TAF2: variants seen among roughly 807,000 people sequenced by gnomAD.
The protein encoded by TAF2 is transcription initiation factor TFIID subunit 2.
A neutral mutation model predicts 138.5 loss-of-function variants in TAF2; 61 were observed. The ratio of observed to expected loss-of-function variants is 0.44; its 90% CI spans 0.36 to 0.54. The LOEUF is 0.54. Ranked by LOEUF, TAF2 falls within the 20% of genes least tolerant of loss-of-function variation. TAF2 has a pLI of 0.00. For synonymous variants in TAF2, 475 were observed against 469.9 expected, an observed-to-expected ratio of 1.01 and a Z score of -0.14; for missense variants, 1,090 against 1,427.9, an observed-to-expected ratio of 0.76 and a Z score of 3.81.
chr8:119,805,523 T>A (rs1405120715), intron 4 of TAF2, among the ~76,000 whole-genome samples: 1 of 151,904 alleles, frequency 6.6e-6, no homozygotes, highest in African/African-American at 2.4e-5. Flanking sequence ...CTGGCCAACA[T>A]GATGAAACCC....
In TAF2 at chr8:119,821,524, G is replaced by C. The variant is rs149131486; in HGVS notation, c.139-2018C>G. Reference sequence around the variant, plus strand: ...AAATAGGCATTCTCCTAGTTTCCACGACTACTTCTGGGTCACTTATAGGAT... The same window carrying C: ...AAATAGGCATTCTCCTAGTTTCCACCACTACTTCTGGGTCACTTATAGGAT... On this transcript the variant is annotated intron_variant, in intron 2 of 25. Transcript: ENST00000378164. 7.2e-5 allele frequency among the ~76,000 whole-genome samples: 11 copies of C among 152,240 alleles called. No individual in the cohort carries two copies. The East Asian group carries it at 2.1e-3, about 29-fold the overall frequency.
chr8:119,752,429 T>TC (rs1820413597), intron 22 of TAF2, among the ~76,000 whole-genome samples: 1 of 152,070 alleles, frequency 6.6e-6, no homozygotes, highest in Non-Finnish European at 1.5e-5. Context: ...CCCTGAGATC[T>TC]CAAAAAGTTT....
At chr8:119,828,067 AG>A (rs1275798046) in intron 2 of TAF2, among the ~76,000 whole-genome samples, 4 of 152,042 alleles carry the variant, frequency 2.6e-5, no homozygotes. Context: ...TAGTAGAGAC[AG>A]GGTTTCACCA....
At chr8:119,824,124 C>T (rs183299246) in intron 2 of TAF2, among the ~76,000 whole-genome samples, 24 of 152,010 alleles carry the variant, frequency 1.6e-4, no homozygotes, top group African/African-American at 3.9e-4. Flanking sequence ...ATTTGCAGCC[C>T]GACAATGATA....
At chr8:119,780,737 C>A (rs1822582997) in intron 17 of TAF2, among the ~76,000 whole-genome samples, 1 of 151,972 alleles carries the variant, frequency 6.6e-6, no homozygotes, top group East Asian at 1.9e-4. Flanking sequence ...AGATGAAAAC[C>A]ATCCTGGCTA....
chr8:119,789,873 C>T lies in TAF2; in HGVS notation c.1414-127G>A, dbSNP rs749424698. 248 of 954,314 alleles carry T rather than the reference C, an allele frequency of 2.6e-4. 1 individual carries two copies. Among genetic ancestry groups the T allele is most frequent in the South Asian group, 2.9e-4 (19 of 64,640 alleles). The allele number at this position is 954,314 out of a possible 1,614,324, so 59.1% of individuals were successfully genotyped here. On this transcript the variant is annotated intron_variant, in intron 11 of 25. Transcript: ENST00000378164. ...GACAATAATTTCACTATTTATTACA[C>T]AGATTATTCTAAAGACTACTAGCAA...
chr8:119,744,324 G>A lies in TAF2; in HGVS notation c.3178C>T (p.His1060Tyr). The change falls in exon 24 of 26, where the codon CAT becomes TAT. Residue 1060 changes from histidine to tyrosine, a missense_variant. His to Tyr is a moderately conservative substitution (Grantham distance 83, BLOSUM62 2). Coordinates refer to ENST00000378164, the MANE Select transcript of TAF2 (RefSeq NM_003184.4). ...TVHDSQAFIS[H>Y]HLNMLERPST... ...GGCCTTTCAAGCATGTTTAAATGAT[G>A]GGAAATGAAGGCCTGGCTATCATGA... 1 of 1,613,724 alleles carries A rather than the reference G, an allele frequency of 6.2e-7. No homozygotes were observed. Among genetic ancestry groups the A allele is most frequent in the Non-Finnish European group, 8.5e-7 (1 of 1,179,890 alleles).
chr8:119,808,024 T>C lies in TAF2; in HGVS notation c.300-1623A>G, dbSNP rs945672284. On this transcript the variant is annotated intron_variant, in intron 3 of 25. Transcript: ENST00000378164. ...AAAGCCATTAAAGAAACATTAAGGC[T>C]ACAGACTCTTAACTTGACAGAGGCC... Among the ~76,000 whole-genome samples the C allele has an allele frequency of 5.0e-4, 76 of 152,308 alleles. 2 individuals carry two copies. Among genetic ancestry groups the C allele is most frequent in the Middle Eastern group, 3.4e-3 (1 of 294 alleles).
intron 10 of TAF2, among the ~76,000 whole-genome samples, chr8:119,792,914 A>G (rs1823542039): frequency 6.6e-6 from 1 of 152,136 alleles, no homozygotes. Flanking sequence ...CTCCAGAACA[A>G]GAAGTAAATT....
At chr8:119,745,795 A>G (rs994623553) in intron 23 of TAF2, among the ~76,000 whole-genome samples, 44 of 143,466 alleles carry the variant, frequency 3.1e-4, no homozygotes, top group African/African-American at 5.8e-4. Context: ...AGGCAAACGA[A>G]TGTGTGTGTG....
At chr8:119,771,815 T>TA (rs955036135) in intron 18 of TAF2, among the ~76,000 whole-genome samples, 2 of 152,136 alleles carry the variant, frequency 1.3e-5, no homozygotes, top group African/African-American at 4.8e-5. Flanking sequence ...ACTCTGGACT[T>TA]AAACTAGAAT....
At chr8:119,819,090 A>G (rs1825666706) in intron 3 of TAF2, among the ~76,000 whole-genome samples, 1 of 152,164 alleles carries the variant, frequency 6.6e-6, no homozygotes, top group African/African-American at 2.4e-5. Context: ...AAAAATGACT[A>G]AGAAAATCTA....
intron 18 of TAF2, among the ~76,000 whole-genome samples, chr8:119,771,591 A>G (rs775473346): frequency 6.6e-6 from 1 of 152,122 alleles, no homozygotes; most frequent in Non-Finnish European, 1.5e-5. Context: ...AATAGTAAAG[A>G]AAGAAAGAAG....
intron 3 of TAF2, among the ~76,000 whole-genome samples, chr8:119,815,423 T>G (rs981261865): frequency 6.6e-6 from 1 of 151,318 alleles, no homozygotes; most frequent in Non-Finnish European, 1.5e-5. Context: ...TACAGGCGCC[T>G]GCCACCACAC....
chr8:119,831,817 G>C, intron 1 of TAF2, 86 bp from the exon 2 acceptor site: 1 of 924,756 alleles, frequency 1.1e-6, no homozygotes, highest in East Asian at 2.9e-5. Context: ...GTATAAATTA[G>C]GACTATGTTC....
At chr8:119,751,236 C>T (rs997695117) in intron 22 of TAF2, among the ~76,000 whole-genome samples, 3 of 152,054 alleles carry the variant, frequency 2.0e-5, no homozygotes, top group Non-Finnish European at 2.9e-5. Context: ...AAAATTATTT[C>T]TTTCAGTGTG....
rs184498330 is a variant in TAF2 at position 119,742,011 on chromosome 8, C to T, written c.3337+523G>A. ...TCTGAATTAAATTACTTTTCACAAA[C>T]TTAAGCCCAATTACTGTGAAATGAT... is the stretch of plus-strand genomic sequence containing the variant. On this transcript the variant is annotated intron_variant, in intron 25 of 25. Transcript: ENST00000378164. Among the ~76,000 whole-genome samples, 15 of 152,302 alleles carry T rather than the reference C, an allele frequency of 9.8e-5. No individual in the cohort carries two copies. The East Asian group carries it at 2.5e-3, about 25-fold the overall frequency.
At chr8:119,823,203 C>T (rs1355174) in intron 2 of TAF2, among the ~76,000 whole-genome samples, 45,133 of 152,002 alleles carry the variant, frequency 0.3, 7,750 homozygotes, top group African/African-American at 0.47. Context: ...CCCATACCTT[C>T]AAAAGAGAAA....
At chr8:119,745,094 G>A (rs541220435) in intron 23 of TAF2, 11 of 452,396 alleles carry the variant, frequency 2.4e-5, no homozygotes, top group Non-Finnish European at 4.9e-5. Context: ...TCATATTATA[G>A]CTGAAAACTA....
Sources: gnomAD v4.1 joint callset for allele counts (sites outside exome capture counted in the v4.1 genomes callset) on GRCh38, gnomAD v4.1.1 for gene constraint, MANE v1.5 for transcripts, NCBI Gene and HGNC (gene_info 2026-07-23, HGNC 2026-07-21) for gene names.